The following PPP1R9A variants were observed in gnomAD, a reference collection of about 807,000 sequenced individuals.
PPP1R9A encodes the protein neurabin-1.
PPP1R9A carries 59 observed loss-of-function variants against 141.9 expected under a neutral mutation model. The ratio of observed to expected loss-of-function variants is 0.42; its 90% CI spans 0.34 to 0.52. The LOEUF is 0.52. Ranked by LOEUF, PPP1R9A falls within the 20% of genes least tolerant of loss-of-function variation. The probability of loss-of-function intolerance (pLI) is 0.10; values close to 1 mark genes in which losing one functional copy is unlikely to be tolerated. For missense variants in PPP1R9A, 1,444 were observed against 1,611.9 expected, an observed-to-expected ratio of 0.90 and a Z score of 1.78; for synonymous variants, 500 against 569.7, an observed-to-expected ratio of 0.88 and a Z score of 1.74.
intron 8 of PPP1R9A, among the ~76,000 whole-genome samples, chr7:95,228,773 A>T (rs1198376987): frequency 1.3e-5 from 2 of 152,148 alleles, no homozygotes; most frequent in Non-Finnish European, 2.9e-5. Flanking sequence ...AATCACATCG[A>T]ATCTTTTAAT....
intron 2 of PPP1R9A, among the ~76,000 whole-genome samples, chr7:95,101,531 C>T (rs926024055): frequency 1.3e-5 from 2 of 152,138 alleles, no homozygotes; most frequent in Non-Finnish European, 2.9e-5. Flanking sequence ...GTCTTGCCTC[C>T]GCAGTAAAAT....
chr7:95,172,786 A>T (rs955595608), intron 5 of PPP1R9A, among the ~76,000 whole-genome samples: 1 of 151,890 alleles, frequency 6.6e-6, no homozygotes, highest in Non-Finnish European at 1.5e-5. Context: ...GTTAAAAAAA[A>T]TTTCGGAGGA....
chr7:95,246,770 C>T (rs1457131205), intron 8 of PPP1R9A, among the ~76,000 whole-genome samples: 1 of 152,006 alleles, frequency 6.6e-6, no homozygotes, highest in African/African-American at 2.4e-5. Flanking sequence ...CTTCTTCTTC[C>T]CTTACAAAGA....
chr7:95,042,923 A>AT (rs941524729), intron 2 of PPP1R9A, among the ~76,000 whole-genome samples: 3 of 152,028 alleles, frequency 2.0e-5, no homozygotes, highest in Admixed American at 6.6e-5. Context: ...TTTGTTAAAA[A>AT]AAAAAGTCCC....
intron 12 of PPP1R9A, among the ~76,000 whole-genome samples, chr7:95,260,310 T>G (rs2153029450): frequency 6.6e-6 from 1 of 152,332 alleles, no homozygotes; most frequent in East Asian, 1.9e-4. Flanking sequence ...GCTTCATTCA[T>G]ATTTCTCACT....
At chr7:95,034,441 A>G (rs1198945166) in intron 2 of PPP1R9A, among the ~76,000 whole-genome samples, 5 of 152,076 alleles carry the variant, frequency 3.3e-5, no homozygotes, top group Non-Finnish European at 7.4e-5. Context: ...TTCTTTTTTG[A>G]GACTACAACC....
intron 12 of PPP1R9A, among the ~76,000 whole-genome samples, chr7:95,260,535 T>A (rs7798419): frequency 0.13 from 19,627 of 151,900 alleles, 1,390 homozygotes; most frequent in East Asian, 0.17. Flanking sequence ...AAAAATTAGC[T>A]GGGCCTGGTG....
chr7:95,138,409 ATAT>A (rs1402763520), intron 4 of PPP1R9A, among the ~76,000 whole-genome samples: 1 of 152,206 alleles, frequency 6.6e-6, no homozygotes, highest in African/African-American at 2.4e-5. Context: ...CATAGGTCTA[ATAT>A]TATAAAAGCT....
intron 2 of PPP1R9A, among the ~76,000 whole-genome samples, chr7:95,084,835 A>C (rs1404676319): frequency 6.6e-6 from 1 of 151,978 alleles, no homozygotes; most frequent in South Asian, 2.1e-4. Context: ...GGACATTAAG[A>C]TTGTTTATAA....
At chr7:95,278,199 G>GCT (rs1467444191) in intron 16 of PPP1R9A, among the ~76,000 whole-genome samples, 1 of 152,150 alleles carries the variant, frequency 6.6e-6, no homozygotes, top group African/African-American at 2.4e-5. Context: ...ACACTGCATG[G>GCT]CTCTGACTTC....
intron 2 of PPP1R9A, among the ~76,000 whole-genome samples, chr7:95,078,649 C>T (rs1338611814): frequency 1.3e-5 from 2 of 152,070 alleles, no homozygotes; most frequent in East Asian, 3.9e-4. Flanking sequence ...CTGTTGTTTC[C>T]TGACTTTTTA....
chr7:94,911,314 T>G lies in PPP1R9A; in HGVS notation c.1201T>G (p.Tyr401Asp). The change falls in exon 2 of 20, where the codon TAT becomes GAT. Residue 401 changes from tyrosine (Y) to aspartate (D), a missense_variant. By Grantham distance (160) the Tyr-to-Asp change is radical. Around this residue, in one of 5 missense-constraint regions of PPP1R9A, gnomAD observed 490 missense variants for 521.1 expected, o/e 0.94. Transcript: ENST00000433360. Reference protein sequence around the residue: ...DGSHVYMHSDYNVYRVRSRYN... With the variant: ...DGSHVYMHSDDNVYRVRSRYN... ...TTCCCATGTGTACATGCACAGTGAC[T>G]ATAATGTGTATAGGGTGAGATCCAG... The G allele has an allele frequency of 1.2e-6, 2 of 1,614,090 alleles. No individual in the cohort carries two copies. Among genetic ancestry groups the G allele is most frequent in the Non-Finnish European group, 1.7e-6 (2 of 1,179,978 alleles).
intron 7 of PPP1R9A, among the ~76,000 whole-genome samples, chr7:95,225,225 G>T (rs1794975417): frequency 6.6e-6 from 1 of 152,136 alleles, no homozygotes. Context: ...TCTAAAAGGG[G>T]CAACCACTAC....
intron 2 of PPP1R9A, among the ~76,000 whole-genome samples, chr7:95,040,535 C>T (rs1809089137): frequency 6.6e-6 from 1 of 152,054 alleles, no homozygotes; most frequent in African/African-American, 2.4e-5. Flanking sequence ...AGGATGTACT[C>T]CTGTTGCCCA....
chr7:95,292,347 A>G lies in PPP1R9A; in HGVS notation c.*2044A>G, dbSNP rs959834239. The G allele has an allele frequency of 2.4e-4, 37 of 152,562 alleles. No individual in the cohort carries two copies. The highest frequency in any genetic ancestry group is 8.7e-4 in the African/African-American group (36 of 41,422). 9.5% of individuals were successfully genotyped at this position (152,562 alleles called of 1,614,324 possible). A position where few individuals can be genotyped will look rare whatever the true frequency, so the allele number is the denominator to read the frequency against. On this transcript the variant is annotated 3_prime_UTR_variant, in exon 20 of 20. Coordinates refer to ENST00000433360, the MANE Select transcript of PPP1R9A (RefSeq NM_001166160.2). ...GTAATATTAGTGCTTGCTATTGTAA[A>G]TTTTTGCCATTTTTGCTTATCTTTG...
At chr7:94,984,926 G>C (rs772253329) in intron 2 of PPP1R9A, among the ~76,000 whole-genome samples, 15 of 152,032 alleles carry the variant, frequency 9.9e-5, no homozygotes, top group Non-Finnish European at 1.9e-4. Context: ...TGTGATGTTA[G>C]GGTGTCAATT....
chr7:94,975,098 G>GA (rs987453336), intron 2 of PPP1R9A, among the ~76,000 whole-genome samples: 2 of 151,536 alleles, frequency 1.3e-5, no homozygotes, highest in Admixed American at 6.6e-5. Flanking sequence ...TCTTAATTTG[G>GA]AAAAAAAATA....
intron 2 of PPP1R9A, among the ~76,000 whole-genome samples, chr7:94,930,170 T>A (rs1334510082): frequency 6.6e-6 from 1 of 151,910 alleles, no homozygotes; most frequent in Non-Finnish European, 1.5e-5. Flanking sequence ...TGGGATACTG[T>A]GAGGAGAGGA....
Position 95,286,313 on chromosome 7 carries a change from G to A in PPP1R9A, c.3717G>A (p.Leu1239=). Residue 1239 remains leucine, a synonymous_variant, in exon 18 of 20, where the codon CTG becomes CTA. Coordinates refer to ENST00000433360, the MANE Select transcript of PPP1R9A (RefSeq NM_001166160.2). ...KTPGLSQSLA[L]SSDEILDDGQ... is the part of the protein sequence containing the mutation. ...CAGGGCTCTCTCAGTCCTTAGCACT[G>A]TCATCAGATGAGGTAATTCCATGGC... 1 of 1,613,208 alleles carries A rather than the reference G, an allele frequency of 6.2e-7. No homozygotes were observed. The highest frequency in any genetic ancestry group is 8.5e-7 in the Non-Finnish European group (1 of 1,179,490).
Sources: allele counts gnomAD v4.1 joint callset (sites outside exome capture counted in the v4.1 genomes callset), GRCh38; gene constraint gnomAD v4.1.1; regional missense constraint gnomAD v4.1.1; transcripts MANE v1.5; gene names NCBI Gene and HGNC (gene_info 2026-07-23, HGNC 2026-07-21).